Variants in MYO1H observed in about 807,000 individuals in gnomAD.
MYO1H encodes the protein unconventional myosin-Ih.
A neutral mutation model predicts 149.3 loss-of-function variants in MYO1H; 118 were observed. The observed-to-expected ratio is 0.79, with a 90% CI of 0.68 to 0.92. The LOEUF (loss-of-function observed/expected upper bound fraction) is 0.92, where lower values mean the gene tolerates loss of function less well. Ranked by LOEUF, MYO1H falls within the 40% of genes least tolerant of loss-of-function variation. The pLI, the probability that MYO1H is intolerant of heterozygous loss-of-function variation, is 0.00. For synonymous variants in MYO1H, 447 were observed against 465.2 expected (o/e 0.96, Z 0.50); for missense variants, 1,212 against 1,280.7 (o/e 0.95, Z 0.82).
intron 30 of MYO1H, among the ~76,000 whole-genome samples, chr12:109,444,847 A>G (rs1361530525): frequency 6.6e-6 from 1 of 151,558 alleles, no homozygotes; most frequent in East Asian, 1.9e-4. Context: ...CAGCCTGGGC[A>G]ACAGAGATAG....
chr12:109,443,120 G>A (rs867488257), intron 27 of MYO1H, among the ~76,000 whole-genome samples: 8 of 88,268 alleles, frequency 9.1e-5, no homozygotes, highest in East Asian at 6.4e-4. Flanking sequence ...GTGTGTATAT[G>A]TGTACGTATA....
intron 28 of MYO1H, 77 bp from the exon 29 acceptor site, chr12:109,444,136 C>T: frequency 9.0e-7 from 1 of 1,107,620 alleles, no homozygotes. Flanking sequence ...TGGGCAGCCC[C>T]TGGGCGTATC....
At chr12:109,406,943 G>A in intron 9 of MYO1H, 83 bp downstream of exon 9, 2 of 1,281,690 alleles carry the variant, frequency 1.6e-6, no homozygotes, top group Non-Finnish European at 2.3e-6. Context: ...GTGGCCTCAG[G>A]GGAGGCCAAA....
At chr12:109,358,515 T>C (rs572897219) in intron 1 of MYO1H, among the ~76,000 whole-genome samples, 1 of 152,364 alleles carries the variant, frequency 6.6e-6, no homozygotes, top group East Asian at 1.9e-4. Context: ...AAAGAGTAAG[T>C]TGAAAATGAA....
intron 1 of MYO1H, among the ~76,000 whole-genome samples, chr12:109,371,298 C>A (rs1376255007): frequency 6.0e-5 from 9 of 149,978 alleles, no homozygotes; most frequent in Admixed American, 3.4e-4. Context: ...TCACTGCAGC[C>A]TCTACCTCCC....
At chr12:109,372,312 A>G (rs1869000008) in intron 1 of MYO1H, among the ~76,000 whole-genome samples, 1 of 152,080 alleles carries the variant, frequency 6.6e-6, no homozygotes, top group Non-Finnish European at 1.5e-5. Context: ...GTAAAATATG[A>G]CATAGATGTC....
rs1403171422 is a variant in MYO1H, at chr12:109,443,010, A to T, written c.2689-504A>T. On this transcript the variant is annotated intron_variant, in intron 27 of 31. Transcript: ENST00000310903. ...GCAGAGAGCCAGGAAAAAAAAAAAA[A>T]TATATATATATATATATATGTGTGT... Among the ~76,000 whole-genome samples the T allele has an allele frequency of 3.7e-5, 2 of 54,734 alleles. 1 individual carries two copies. The highest frequency in any genetic ancestry group is 6.9e-5 in the Non-Finnish European group (2 of 29,052). 35.9% of individuals were successfully genotyped at this position (54,734 alleles called of 152,430 possible). A position where few individuals can be genotyped will look rare whatever the true frequency, so the allele number is the denominator to read the frequency against.
chr12:109,332,049 A>G, the MYO1H span, among the ~76,000 whole-genome samples: 2 of 152,184 alleles, frequency 1.3e-5, no homozygotes, highest in Non-Finnish European at 2.9e-5. Flanking sequence ...TAAGGAGCAA[A>G]TGATTTAAAA....
chr12:109,339,235 G>A, the MYO1H span, among the ~76,000 whole-genome samples: 3 of 152,202 alleles, frequency 2.0e-5, no homozygotes, highest in South Asian at 4.1e-4. Flanking sequence ...AGTGGTGGCA[G>A]GCACCTGTAA....
At chr12:109,358,310 T>G (rs768338163) in intron 1 of MYO1H, among the ~76,000 whole-genome samples, 4 of 152,130 alleles carry the variant, frequency 2.6e-5, no homozygotes, top group Non-Finnish European at 1.5e-5. Context: ...GGTTGGTTTT[T>G]AAGCCTTAGA....
intron 6 of MYO1H, among the ~76,000 whole-genome samples, chr12:109,401,804 A>G (rs1039125238): frequency 6.6e-6 from 1 of 152,010 alleles, no homozygotes; most frequent in Non-Finnish European, 1.5e-5. Context: ...CAGTAGCATA[A>G]TAATGGCTCA....
At chr12:109,350,557 G>C (rs1868443415) in intron 1 of MYO1H, among the ~76,000 whole-genome samples, 1 of 152,166 alleles carries the variant, frequency 6.6e-6, no homozygotes, top group Admixed American at 6.5e-5. Context: ...TGAGTGCATG[G>C]AACCTCTTTC....
At chr12:109,402,894 G>T (rs1870224019) in intron 6 of MYO1H, among the ~76,000 whole-genome samples, 1 of 152,024 alleles carries the variant, frequency 6.6e-6, no homozygotes, top group African/African-American at 2.4e-5. Flanking sequence ...TTCTCTTTTA[G>T]AATATATCGT....
intron 1 of MYO1H, among the ~76,000 whole-genome samples, chr12:109,357,930 T>C (rs1868645223): frequency 6.6e-6 from 1 of 152,176 alleles, no homozygotes; most frequent in Non-Finnish European, 1.5e-5. Flanking sequence ...GTAAAAGCCA[T>C]TCTTAGCTCA....
chr12:109,380,063 T>C (rs957874152), intron 1 of MYO1H, among the ~76,000 whole-genome samples: 1 of 151,892 alleles, frequency 6.6e-6, no homozygotes, highest in Non-Finnish European at 1.5e-5. Context: ...TTTTATTTCA[T>C]TTTTTACTTT....
intron 1 of MYO1H, among the ~76,000 whole-genome samples, chr12:109,355,087 C>A (rs1279424487): frequency 6.6e-6 from 1 of 152,198 alleles, no homozygotes; most frequent in Admixed American, 6.5e-5. Context: ...GCACAGTCAA[C>A]AGGCCCTGAG....
In MYO1H at chr12:109,401,082, C is replaced by G; in HGVS notation, c.571-11C>G. On this transcript the variant is annotated splice_polypyrimidine_tract_variant and intron_variant, in intron 5 of 31. Transcript: ENST00000310903. ...TGTTGTCACTGCTGCAATTTTTGTTCTGTTTTGAAGGGCATTCCCGTAGGT... is the reference window on the plus strand; with the variant it reads ...TGTTGTCACTGCTGCAATTTTTGTTGTGTTTTGAAGGGCATTCCCGTAGGT... 1 of 1,608,242 alleles carries G rather than the reference C, an allele frequency of 6.2e-7. No homozygotes were observed. The highest frequency in any genetic ancestry group is 8.5e-7 in the Non-Finnish European group (1 of 1,175,634).
chr12:109,375,184 G>T (rs1258054232), intron 1 of MYO1H, among the ~76,000 whole-genome samples: 2 of 146,660 alleles, frequency 1.4e-5, no homozygotes, highest in African/African-American at 5.0e-5. Context: ...ACAAGGTCTG[G>T]CTCTATTGCC....
At position 109,441,716 on chromosome 12, in the gene MYO1H, C is replaced by A. The variant is rs773569000; in HGVS notation, c.2632+8C>A. ...TTGTCAACAGTCGGATAGGTAAGTA[C>A]ATTTTCCAGCCTATGTACTTGGCTT... is the stretch of plus-strand genomic sequence containing the variant. On this transcript the variant is annotated splice_region_variant and intron_variant, in intron 26 of 31. Coordinates refer to ENST00000310903, the Ensembl canonical transcript of MYO1H. 6.3e-7 allele frequency: 1 copy of A among 1,594,796 alleles called. No individual in the cohort carries two copies. The highest frequency in any genetic ancestry group is 2.2e-5 in the East Asian group (1 of 44,694).
Sources: gnomAD v4.1 joint callset for allele counts (sites outside exome capture counted in the v4.1 genomes callset) on GRCh38, gnomAD v4.1.1 for gene constraint, MANE v1.5 for transcripts, NCBI Gene and HGNC (gene_info 2026-07-23, HGNC 2026-07-21) for gene names.